The following ATRNL1 variants were observed in gnomAD, a reference collection of about 807,000 sequenced individuals.
ATRNL1 encodes the protein attractin like 1.
A neutral mutation model predicts 182.7 loss-of-function variants in ATRNL1; 95 were observed. That is an observed-to-expected ratio of 0.52 (90% CI 0.44 to 0.62). The LOEUF is 0.62. Ranked by LOEUF, ATRNL1 falls within the 20% of genes least tolerant of loss-of-function variation. The probability of loss-of-function intolerance (pLI) is 0.00; values close to 1 mark genes in which losing one functional copy is unlikely to be tolerated. For synonymous variants in ATRNL1, 576 were observed against 568.3 expected (o/e 1.01, Z -0.19); for missense variants, 1,471 against 1,679.5 (o/e 0.88, Z 2.17).
At chr10:115,612,005 C>T (rs959622760) in intron 26 of ATRNL1, among the ~76,000 whole-genome samples, 12 of 152,134 alleles carry the variant, frequency 7.9e-5, no homozygotes, top group East Asian at 3.8e-4. Context: ...AATTCCAGCA[C>T]GCTGGGAGGC....
intron 1 of ATRNL1, among the ~76,000 whole-genome samples, chr10:115,102,589 A>C (rs929324257): frequency 6.6e-6 from 1 of 152,154 alleles, no homozygotes; most frequent in African/African-American, 2.4e-5. Flanking sequence ...GATTACAAGC[A>C]TGTGCCACCT....
intron 25 of ATRNL1, among the ~76,000 whole-genome samples, chr10:115,528,015 T>TTCCC: frequency 4.7e-5 from 3 of 64,444 alleles, no homozygotes; most frequent in Admixed American, 1.7e-4. Flanking sequence ...CCTTCCTTCC[T>TTCCC]TCCTTCCTTC....
chr10:115,641,566 T>A (rs944086198), intron 26 of ATRNL1, among the ~76,000 whole-genome samples: 3 of 152,210 alleles, frequency 2.0e-5, no homozygotes. Context: ...ATAGAAAAAC[T>A]AGACTCCACA....
At chr10:115,183,099 C>A (rs539051630) in intron 8 of ATRNL1, among the ~76,000 whole-genome samples, 1 of 151,182 alleles carries the variant, frequency 6.6e-6, no homozygotes, top group African/African-American at 2.4e-5. Context: ...AAAATAAACA[C>A]CTGAATATTA....
At chr10:115,128,064 A>G (rs1845052155) in intron 4 of ATRNL1, among the ~76,000 whole-genome samples, 4 of 152,208 alleles carry the variant, frequency 2.6e-5, no homozygotes, top group Admixed American at 2.0e-4. Flanking sequence ...TCTAAGGTAT[A>G]TCACTTGTAA....
intron 26 of ATRNL1, among the ~76,000 whole-genome samples, chr10:115,614,632 C>A (rs1857336926): frequency 6.6e-6 from 1 of 151,922 alleles, no homozygotes; most frequent in Admixed American, 6.6e-5. Context: ...GTTCAAGTAC[C>A]CAACTGTTAC....
intron 1 of ATRNL1, among the ~76,000 whole-genome samples, chr10:115,102,665 T>C (rs1217696163): frequency 1.2e-4 from 19 of 152,280 alleles, no homozygotes; most frequent in African/African-American, 4.6e-4. Flanking sequence ...GCTGGTGGTC[T>C]CTAACTCCTG....
intron 13 of ATRNL1, among the ~76,000 whole-genome samples, chr10:115,271,863 T>C (rs1311294303): frequency 6.6e-6 from 1 of 152,130 alleles, no homozygotes; most frequent in Non-Finnish European, 1.5e-5. Flanking sequence ...AAATTTCTGT[T>C]GAAATATAAT....
intron 27 of ATRNL1, among the ~76,000 whole-genome samples, chr10:115,795,020 T>C (rs1351110295): frequency 3.3e-5 from 5 of 152,130 alleles, no homozygotes; most frequent in Non-Finnish European, 7.4e-5. Flanking sequence ...CTCTATATTC[T>C]TTGAGCATTT....
chr10:115,144,102 C>G (rs1175416780), intron 5 of ATRNL1, among the ~76,000 whole-genome samples: 1 of 151,542 alleles, frequency 6.6e-6, no homozygotes, highest in Admixed American at 6.6e-5. Flanking sequence ...GCCTCAGCCT[C>G]CCAAGTAGCT....
intron 26 of ATRNL1, among the ~76,000 whole-genome samples, chr10:115,555,258 G>A (rs782585491): frequency 1.6e-4 from 25 of 151,636 alleles, no homozygotes; most frequent in Non-Finnish European, 2.7e-4. Context: ...ATAAGGGGGA[G>A]TTATACTGGG....
intron 26 of ATRNL1, among the ~76,000 whole-genome samples, chr10:115,601,623 C>T (rs999107591): frequency 8.5e-5 from 13 of 152,168 alleles, no homozygotes; most frequent in African/African-American, 3.1e-4. Flanking sequence ...ATGAATATCC[C>T]TTTTTATTCG....
At chr10:115,786,593 C>A (rs1476818923) in intron 27 of ATRNL1, among the ~76,000 whole-genome samples, 1 of 152,188 alleles carries the variant, frequency 6.6e-6, no homozygotes, top group Non-Finnish European at 1.5e-5. Context: ...ATTTAAGGCT[C>A]ATCCTAACAC....
chr10:115,566,724 T>C (rs1854097265), intron 26 of ATRNL1, among the ~76,000 whole-genome samples: 1 of 152,124 alleles, frequency 6.6e-6, no homozygotes. Context: ...TTGGATTTTT[T>C]TACATATACT....
At chr10:115,386,279 C>T in intron 19 of ATRNL1, among the ~76,000 whole-genome samples, 1 of 152,098 alleles carries the variant, frequency 6.6e-6, no homozygotes, top group East Asian at 1.9e-4. Flanking sequence ...TTAAATTTGT[C>T]TCTAAATATT....
intron 20 of ATRNL1, among the ~76,000 whole-genome samples, chr10:115,417,631 C>T (rs782579921): frequency 6.6e-6 from 1 of 152,206 alleles, no homozygotes; most frequent in Non-Finnish European, 1.5e-5. Context: ...TTTGGCCCCT[C>T]CTGCTGCAGT....
intron 19 of ATRNL1, among the ~76,000 whole-genome samples, chr10:115,389,302 C>T (rs1373204269): frequency 2.0e-5 from 3 of 151,326 alleles, no homozygotes; most frequent in African/African-American, 7.3e-5. Flanking sequence ...GTCAGAAGTT[C>T]GAGACCAGCC....
At chr10:115,225,692 A>G (rs1840175731) in intron 9 of ATRNL1, among the ~76,000 whole-genome samples, 1 of 151,062 alleles carries the variant, frequency 6.6e-6, no homozygotes, top group Admixed American at 6.6e-5. Context: ...ACAGAAAACT[A>G]TAAAACCTTA....
intron 19 of ATRNL1, among the ~76,000 whole-genome samples, chr10:115,393,242 A>C (rs764489832): frequency 2.0e-5 from 3 of 152,168 alleles, no homozygotes; most frequent in Non-Finnish European, 2.9e-5. Flanking sequence ...CTTTTGTTTT[A>C]GTCTCTTCTT....
Sources: allele counts gnomAD v4.1 joint callset (sites outside exome capture counted in the v4.1 genomes callset), GRCh38; gene constraint gnomAD v4.1.1; transcripts MANE v1.5; gene names NCBI Gene and HGNC (gene_info 2026-07-23, HGNC 2026-07-21).